The following RPL18 variants were observed in gnomAD, a reference collection of about 807,000 sequenced individuals.
RPL18 encodes the protein large ribosomal subunit protein eL18.
RPL18 carries 4 observed loss-of-function variants against 25.0 expected under a neutral mutation model. The ratio of observed to expected loss-of-function variants is 0.16; its 90% confidence interval spans 0.08 to 0.37. The LOEUF is 0.37. Among genes scored for constraint, RPL18 ranks in the 10% least tolerant of loss-of-function variants. The probability of loss-of-function intolerance (pLI) is 1.00; values close to 1 mark genes in which losing one functional copy is unlikely to be tolerated. For missense variants in RPL18, 179 were observed against 267.9 expected (o/e 0.67, Z 2.32); for synonymous variants, 129 against 101.6 (o/e 1.27, Z -1.62).
At chr19:48,616,051 C>A in intron 5 of RPL18, 28 bp downstream of exon 5, 1 of 1,614,066 alleles carries the variant, frequency 6.2e-7, no homozygotes, top group Non-Finnish European at 8.5e-7. Context: ...ACAGCTCAGT[C>A]CAAACCCGTC....
At position 48,618,789 on chromosome 19, in the gene RPL18, C is replaced by G. The variant is rs1974270277; in HGVS notation, c.3+352G>C. On this transcript the variant is annotated intron_variant, in intron 1 of 6. Coordinates refer to ENST00000549920, the MANE Select transcript of RPL18 (RefSeq NM_000979.4). ...CCGCCGCGGCCCCCATCGAACCCGA[C>G]TTTTCATACTAGAAAGTGACAGGTC... 1.2e-5 allele frequency: 4 copies of G among 324,438 alleles called. 1 individual carries two copies. In the East Asian group the frequency reaches 2.4e-4, roughly 20 times the overall value. The allele number at this position is 324,438 out of a possible 1,614,324, so 20.1% of individuals were successfully genotyped here.
In RPL18 at chr19:48,617,328, G is replaced by T. The variant is rs201393157; in HGVS notation, c.186C>A (p.Ser62=). 1.8e-4 allele frequency: 295 copies of T among 1,613,956 alleles called. 2 individuals carry two copies. The Middle Eastern group carries it at 7.6e-3, about 42-fold the overall frequency. ...ACCAGCCACTCACCATCCGGGAAAG[G>T]GACAGAGGCGGCCGGTTGGTGCGAC... ...FMSRTNRPPL[S]LSRMIRKMKL... The change falls in exon 3 of 7, where the codon TCC becomes TCA. Residue 62 remains serine, a synonymous_variant. Transcript: ENST00000549920.
chr19:48,616,599 G>A lies in RPL18; in HGVS notation c.297+127C>T, dbSNP rs751816935. 22 of 790,732 alleles carry A rather than the reference G, an allele frequency of 2.8e-5. No homozygotes were observed. In the East Asian group the frequency reaches 3.9e-4, roughly 14 times the overall value. 49.0% of individuals were successfully genotyped at this position (790,732 alleles called of 1,614,324 possible). A position where few individuals can be genotyped will look rare whatever the true frequency, so the allele number is the denominator to read the frequency against. On this transcript the variant is annotated intron_variant, in intron 4 of 6. Coordinates refer to ENST00000549920, the MANE Select transcript of RPL18 (RefSeq NM_000979.4). ...ACCAATCCTCAAAGCCACTCAGACA[G>A]GCAGGATGCTTGCCTCACCAGCGGT...
intron 6 of RPL18, 76 bp from the exon 7 acceptor site, chr19:48,615,523 G>A (rs1974141491): frequency 9.1e-7 from 1 of 1,098,364 alleles, no homozygotes; most frequent in African/African-American, 1.6e-5. Context: ...AACACCACAA[G>A]CCTGTCACAT....
intron 1 of RPL18, 68 bp from the exon 2 acceptor site, chr19:48,617,945 G>A (rs1974233277): frequency 8.1e-7 from 1 of 1,229,618 alleles, no homozygotes; most frequent in Non-Finnish European, 1.2e-6. Flanking sequence ...ACTTATTTCT[G>A]AAACTGAGAG....
Position 48,617,835 on chromosome 19 carries a change from T to C in RPL18, c.46A>G (p.Lys16Glu). ...RHNKDRKVRR[K>E]EPKSQDIYLR... The stretch of plus-strand genomic sequence containing the variant: ...TAGATATCCTGGCTCTTGGGCTCCT[T>C]GCGCCGAACCTTTCGGTCCTTGTTA... Residue 16 changes from lysine (K) to glutamate (E), a missense_variant, in exon 2 of 7, where the codon AAG becomes GAG. Physicochemically the swap from Lys to Glu is moderately conservative, Grantham distance 56 (BLOSUM62 1). Transcript: ENST00000549920. 1 of 1,614,188 alleles carries C rather than the reference T, an allele frequency of 6.2e-7. No homozygotes were observed. Among genetic ancestry groups the C allele is most frequent in the Non-Finnish European group, 8.5e-7 (1 of 1,180,014 alleles).
At chr19:48,619,015 C>A in intron 1 of RPL18, 126 bp downstream of exon 1, 4 of 978,422 alleles carry the variant, frequency 4.1e-6, no homozygotes, top group Non-Finnish European at 6.3e-6. Context: ...AGTAGGTCCC[C>A]AGTATCGGGA....
rs1263168360 is a variant in RPL18 at position 48,615,776 on chromosome 19, C to T, written c.491+101G>A. On this transcript the variant is annotated intron_variant, in intron 6 of 6. Transcript: ENST00000549920. The stretch of plus-strand genomic sequence containing the variant: ...GCTGAGAGTTCCAGAAGGCCTGGGG[C>T]TGGCTGGTACGAGGGATAGGAGAAG... 6 of 1,045,176 alleles carry T rather than the reference C, an allele frequency of 5.7e-6. No homozygotes were observed. In the African/African-American group the frequency reaches 7.9e-5, roughly 14 times the overall value. 64.7% of individuals were successfully genotyped at this position (1,045,176 alleles called of 1,614,324 possible). A position where few individuals can be genotyped will look rare whatever the true frequency, so the allele number is the denominator to read the frequency against.
At chr19:48,617,211 C>G (rs1974201533) in intron 3 of RPL18, 105 bp downstream of exon 3, 4 of 910,374 alleles carry the variant, frequency 4.4e-6, no homozygotes, top group Non-Finnish European at 7.4e-6. Flanking sequence ...GAGACAAACC[C>G]TTGATGCCCT....
intron 5 of RPL18, 23 bp downstream of exon 5, chr19:48,616,056 C>A: frequency 6.2e-7 from 1 of 1,614,132 alleles, no homozygotes; most frequent in South Asian, 1.1e-5. Flanking sequence ...TCAGTCCAAA[C>A]CCGTCGACCA....
chr19:48,616,720 G>T lies in RPL18; in HGVS notation c.297+6C>A. The T allele has an allele frequency of 6.3e-7, 1 of 1,597,190 alleles. No individual in the cohort carries two copies. Among genetic ancestry groups the T allele is most frequent in the Non-Finnish European group, 8.6e-7 (1 of 1,165,132 alleles). On this transcript the variant is annotated splice_donor_region_variant and intron_variant, in intron 4 of 6. Coordinates refer to ENST00000549920, the MANE Select transcript of RPL18 (RefSeq NM_000979.4). ...TGATGGGTCTGCCCAGCCCCCGCCAGCTCACCTTCAGTTTGGGTACCTCCT... is the reference window on the plus strand; with the variant it reads ...TGATGGGTCTGCCCAGCCCCCGCCATCTCACCTTCAGTTTGGGTACCTCCT...
At chr19:48,617,555 G>A (rs1974214344) in intron 2 of RPL18, 132 bp from the exon 3 acceptor site, 8 of 762,430 alleles carry the variant, frequency 1.0e-5, no homozygotes, top group South Asian at 1.7e-5. Context: ...CGACCTAGAG[G>A]GAGAAAGCTG....
chr19:48,616,852 AGTT>A (rs1345081706), intron 3 of RPL18, 28 bp from the exon 4 acceptor site: 1 of 1,559,182 alleles, frequency 6.4e-7, no homozygotes, highest in Non-Finnish European at 8.8e-7. Flanking sequence ...GTACGTCGTA[AGTT>A]GTTCTGGTGT....
intron 4 of RPL18, 36 bp downstream of exon 4, chr19:48,616,690 G>C: frequency 8.4e-7 from 1 of 1,193,454 alleles, no homozygotes. Flanking sequence ...AGTACAGCAA[G>C]GGTCTGATGG....
chr19:48,618,219 A>C, intron 1 of RPL18: 1 of 217,184 alleles, frequency 4.6e-6, no homozygotes. Context: ...TATCAAACCA[A>C]TGGCAGTAAT....
Position 48,617,771 on chromosome 19 carries a change from A to G in RPL18, c.90+20T>C, listed in dbSNP as rs765414520. ...AGACCTGGGGTGACCCTTCCCAAAG[A>G]CCTCAGGGCCCAGCCTCACCTTGAC... On this transcript the variant is annotated intron_variant, in intron 2 of 6. Coordinates refer to ENST00000549920, the MANE Select transcript of RPL18 (RefSeq NM_000979.4). 1 of 1,601,164 alleles carries G rather than the reference A, an allele frequency of 6.2e-7. No homozygotes were observed.
chr19:48,616,924 A>AC lies in RPL18; in HGVS notation c.199-101dup, dbSNP rs755283779. On this transcript the variant is annotated intron_variant, in intron 3 of 6. Coordinates refer to ENST00000549920, the MANE Select transcript of RPL18 (RefSeq NM_000979.4). ...CAGGGCAGCTGTGCCCTCTAACGGGACCCCCCACTCACACCACACCCCTTA... is the reference window on the plus strand; with the variant it reads ...CAGGGCAGCTGTGCCCTCTAACGGGACCCCCCCACTCACACCACACCCCTTA... The AC allele has an allele frequency of 9.5e-5, 81 of 853,414 alleles. 1 individual carries two copies. The highest frequency in any genetic ancestry group is 8.2e-4 in the South Asian group (61 of 74,404). 52.9% of individuals were successfully genotyped at this position (853,414 alleles called of 1,614,324 possible).
chr19:48,615,942 A>T lies in RPL18; in HGVS notation c.426T>A (p.Pro142=). The part of the protein sequence containing the change: ...KGCGTVLLSG[P]RKGREVYRHF... Reference sequence around the variant, plus strand: ...GCCGGTACACCTCTCGGCCCTTGCGAGGACCTAGGGAAGGGGAAGGAGAAC... The same window carrying T: ...GCCGGTACACCTCTCGGCCCTTGCGTGGACCTAGGGAAGGGGAAGGAGAAC... The change falls in exon 6 of 7, where the codon CCT becomes CCA. Residue 142 remains proline (P), a synonymous_variant. Coordinates refer to ENST00000549920, the MANE Select transcript of RPL18 (RefSeq NM_000979.4). 2 of 1,613,982 alleles carry T rather than the reference A, an allele frequency of 1.2e-6. No individual in the cohort carries two copies. The highest frequency in any genetic ancestry group is 1.7e-6 in the Non-Finnish European group (2 of 1,179,934).
At chr19:48,615,713 C>T (rs1974145822) in intron 6 of RPL18, 164 bp downstream of exon 6, 1 of 697,830 alleles carries the variant, frequency 1.4e-6, no homozygotes, top group East Asian at 2.7e-5. Flanking sequence ...AACACAGCTC[C>T]AAGCAGTGTT....
Sources: allele counts gnomAD v4.1 joint callset, GRCh38; gene constraint gnomAD v4.1.1; transcripts MANE v1.5; gene names NCBI Gene and HGNC (gene_info 2026-07-23, HGNC 2026-07-21).